PDE3B: variants seen among roughly 807,000 people sequenced by gnomAD.
The protein encoded by PDE3B is phosphodiesterase 3B.
In PDE3B, 66 loss-of-function variants were observed where a neutral mutation model predicts 116.8. That is an observed-to-expected ratio of 0.56 (90% CI 0.46 to 0.69). The LOEUF (loss-of-function observed/expected upper bound fraction) is 0.69, where lower values mean the gene tolerates loss of function less well. Among genes scored for constraint, PDE3B ranks in the 30% least tolerant of loss-of-function variants. The probability of loss-of-function intolerance (pLI) is 0.00; values close to 1 mark genes in which losing one functional copy is unlikely to be tolerated. For missense variants in PDE3B, 1,384 were observed against 1,368.1 expected, an observed-to-expected ratio of 1.01 and a Z score of -0.18; for synonymous variants, 595 against 533.6, an observed-to-expected ratio of 1.12 and a Z score of -1.59.
intron 5 of PDE3B, 50 bp downstream of exon 5, chr11:14,804,100 GGTAGT>G (rs769831526): frequency 2.1e-6 from 2 of 962,836 alleles, no homozygotes; most frequent in South Asian, 1.3e-5. Context: ...CAAAGTATAT[GGTAGT>G]GTAAACACTT....
chr11:14,885,952 C>T, the PDE3B span: 2 of 1,601,710 alleles, frequency 1.2e-6, no homozygotes, highest in Non-Finnish European at 1.7e-6. Flanking sequence ...ATTTAAATGA[C>T]AGCATGTATG....
rs956361416 is a variant in PDE3B, at chr11:14,857,901, A to G, written c.2521-1142A>G. 2.0e-5 allele frequency among the ~76,000 whole-genome samples: 3 copies of G among 152,190 alleles called. No homozygotes were observed. In the East Asian group the frequency reaches 5.8e-4, roughly 29 times the overall value. On this transcript the variant is annotated intron_variant, in intron 12 of 15. Transcript: ENST00000282096. Reference sequence around the variant, plus strand: ...AGCATGAATTAGTCAAATCATTATTAAATGTAAATGACCCCTTAGGGAGTT... The same window carrying G: ...AGCATGAATTAGTCAAATCATTATTGAATGTAAATGACCCCTTAGGGAGTT...
Position 14,645,048 on chromosome 11 carries a change from G to T in PDE3B, c.973G>T (p.Glu325Ter), listed in dbSNP as rs762293434. 5 of 1,601,428 alleles carry T rather than the reference G, an allele frequency of 3.1e-6. No individual in the cohort carries two copies. The highest frequency in any genetic ancestry group is 3.4e-6 in the Non-Finnish European group (4 of 1,172,970). The change falls in exon 1 of 16, where the codon GAA (glutamate) becomes TAA (stop). Residue 325 changes from glutamate to a stop codon, truncating the protein, a stop_gained. Transcript: ENST00000282096. LOFTEE classifies it high-confidence loss of function. ...ACCGTCGTTGCCTTGTATTTCCAGA[G>T]AACAGGTATGTTAGCTGGAAGGCGA... ...RRPSLPCISREQMILWDWDLK... is the reference protein window; with the variant it reads ...RRPSLPCISR
At chr11:14,665,019 T>C (rs1854082864) in intron 1 of PDE3B, among the ~76,000 whole-genome samples, 1 of 152,176 alleles carries the variant, frequency 6.6e-6, no homozygotes, top group African/African-American at 2.4e-5. Flanking sequence ...AAATCCTCAA[T>C]AAAATACTGG....
At chr11:14,750,806 G>A (rs1857040522) in intron 1 of PDE3B, among the ~76,000 whole-genome samples, 1 of 152,078 alleles carries the variant, frequency 6.6e-6, no homozygotes, top group Non-Finnish European at 1.5e-5. Flanking sequence ...TATGGGTGTG[G>A]CCCATTAACA....
At chr11:14,805,876 C>A (rs1186660685) in intron 5 of PDE3B, among the ~76,000 whole-genome samples, 1 of 152,086 alleles carries the variant, frequency 6.6e-6, no homozygotes, top group African/African-American at 2.4e-5. Context: ...ATGCAGCCAA[C>A]AGACATAGGA....
At chr11:14,708,330 C>A (rs1390993501) in intron 1 of PDE3B, among the ~76,000 whole-genome samples, 2 of 152,116 alleles carry the variant, frequency 1.3e-5, no homozygotes, top group African/African-American at 4.8e-5. Context: ...CATTCTTGAA[C>A]TTTCCAGTCA....
intron 1 of PDE3B, among the ~76,000 whole-genome samples, chr11:14,653,829 T>C (rs940724561): frequency 1.3e-5 from 2 of 152,092 alleles, no homozygotes; most frequent in Admixed American, 1.3e-4. Context: ...CAAAACCCTG[T>C]CTCTACAAGA....
At chr11:14,837,608 A>G (rs1476588941) in intron 11 of PDE3B, among the ~76,000 whole-genome samples, 1 of 152,118 alleles carries the variant, frequency 6.6e-6, no homozygotes, top group Non-Finnish European at 1.5e-5. Context: ...CCATTTTTCT[A>G]TCTCCAGTCT....
intron 1 of PDE3B, among the ~76,000 whole-genome samples, chr11:14,650,350 G>A (rs982232135): frequency 6.6e-6 from 1 of 151,952 alleles, no homozygotes; most frequent in African/African-American, 2.4e-5. Context: ...ACTGCAGTGC[G>A]TGCCATCATG....
intron 12 of PDE3B, among the ~76,000 whole-genome samples, chr11:14,851,663 AT>A (rs1170552516): frequency 2.0e-5 from 3 of 152,066 alleles, no homozygotes; most frequent in East Asian, 1.9e-4. Context: ...TCTAAGTATT[AT>A]TTTTTTAAAA....
In PDE3B at chr11:14,843,772, T is replaced by G. The variant is rs1443348052; in HGVS notation, c.2321-55T>G. On this transcript the variant is annotated intron_variant, in intron 11 of 15. Transcript: ENST00000282096. ...TATGAGAATCCCCTCCATAGCAAAA[T>G]TGTGAGGAATTTATGTGCTAATGCT... The G allele has an allele frequency of 3.6e-6, 5 of 1,386,630 alleles. No individual in the cohort carries two copies. The East Asian group carries it at 6.9e-5, about 19-fold the overall frequency. The allele number at this position is 1,386,630 out of a possible 1,614,324, so 85.9% of individuals were successfully genotyped here. A position where few individuals can be genotyped will look rare whatever the true frequency, so the allele number is the denominator to read the frequency against.
chr11:14,698,446 TG>T (rs2133814639), intron 1 of PDE3B, among the ~76,000 whole-genome samples: 1 of 152,070 alleles, frequency 6.6e-6, no homozygotes, highest in African/African-American at 2.4e-5. Flanking sequence ...ACTGTATTCT[TG>T]GAATAAACCC....
intron 14 of PDE3B, among the ~76,000 whole-genome samples, chr11:14,864,015 T>C (rs1555007673): frequency 6.6e-6 from 1 of 152,074 alleles, no homozygotes; most frequent in Non-Finnish European, 1.5e-5. Flanking sequence ...ACTGGCAAAT[T>C]GGATAAAGAG....
chr11:14,838,625 T>G (rs972835776), intron 11 of PDE3B, among the ~76,000 whole-genome samples: 5 of 152,240 alleles, frequency 3.3e-5, no homozygotes, highest in African/African-American at 9.6e-5. Flanking sequence ...CCAACTCCAC[T>G]GTCACTCATT....
At chr11:14,732,754 C>T (rs1856494085) in intron 1 of PDE3B, among the ~76,000 whole-genome samples, 1 of 152,158 alleles carries the variant, frequency 6.6e-6, no homozygotes, top group African/African-American at 2.4e-5. Flanking sequence ...ATACAAGTTT[C>T]ACATCCTGAA....
At chr11:14,743,614 G>T (rs1237560101) in intron 1 of PDE3B, among the ~76,000 whole-genome samples, 2 of 152,202 alleles carry the variant, frequency 1.3e-5, no homozygotes, top group African/African-American at 4.8e-5. Flanking sequence ...GGTATGAAAA[G>T]AAACTCCTGC....
intron 1 of PDE3B, among the ~76,000 whole-genome samples, chr11:14,770,695 G>A (rs1184316275): frequency 2.0e-5 from 3 of 151,496 alleles, no homozygotes; most frequent in African/African-American, 4.8e-5. Context: ...GTGGGCACTG[G>A]TTCACAAGTC....
chr11:14,694,149 C>G (rs1438949288), intron 1 of PDE3B, among the ~76,000 whole-genome samples: 1 of 152,106 alleles, frequency 6.6e-6, no homozygotes. Flanking sequence ...TGAGTAGTTA[C>G]TTTTTATGGA....
Sources: allele counts gnomAD v4.1 joint callset (sites outside exome capture counted in the v4.1 genomes callset), GRCh38; gene constraint gnomAD v4.1.1; transcripts MANE v1.5; gene names NCBI Gene and HGNC (gene_info 2026-07-23, HGNC 2026-07-21).